SLC38A10: variants seen among roughly 807,000 people sequenced by gnomAD.
SLC38A10 encodes Sodium-coupled neutral amino acid transporter 10.
SLC38A10 carries 53 observed loss-of-function variants against 81.0 expected under a neutral mutation model. The observed-to-expected ratio is 0.65, with a 90% CI of 0.53 to 0.82. The LOEUF (loss-of-function observed/expected upper bound fraction) is 0.82. Ranked by LOEUF, SLC38A10 falls within the 40% of genes least tolerant of loss-of-function variation. The pLI is 0.00. For missense variants in SLC38A10, 1,471 were observed against 1,545.0 expected (o/e 0.95, Z 0.80); for synonymous variants, 665 against 655.3 (o/e 1.01, Z -0.23).
At chr17:81,272,095 C>T (rs893202181) in intron 9 of SLC38A10, among the ~76,000 whole-genome samples, 1 of 151,572 alleles carries the variant, frequency 6.6e-6, no homozygotes, top group African/African-American at 2.4e-5. Context: ...TGCAATGGCG[C>T]AATCTTGGCT....
chr17:81,245,457 C>T lies in SLC38A10; in HGVS notation c.*99G>A, dbSNP rs898112430. 21 of 1,423,742 alleles carry T rather than the reference C, an allele frequency of 1.5e-5. No individual in the cohort carries two copies. The highest frequency in any genetic ancestry group is 1.4e-4 in the East Asian group (6 of 42,682). 88.2% of individuals were successfully genotyped at this position (1,423,742 alleles called of 1,614,324 possible). ...TCAGACATGAAACCCTGGGGAGAGGCGAGTGTGACCTCCAGAGTTTGGCTG... is the reference window on the plus strand; with the variant it reads ...TCAGACATGAAACCCTGGGGAGAGGTGAGTGTGACCTCCAGAGTTTGGCTG... On this transcript the variant is annotated 3_prime_UTR_variant, in exon 16 of 16. Coordinates refer to ENST00000374759, the MANE Select transcript of SLC38A10 (RefSeq NM_001037984.3).
chr17:81,290,011 T>G (rs1188614001), intron 1 of SLC38A10, among the ~76,000 whole-genome samples: 1 of 152,234 alleles, frequency 6.6e-6, no homozygotes, highest in Non-Finnish European at 1.5e-5. Context: ...GATGAAGCTG[T>G]ATGCGCAGAG....
chr17:81,275,052 T>C (rs531808417), intron 8 of SLC38A10, among the ~76,000 whole-genome samples: 58 of 152,194 alleles, frequency 3.8e-4, no homozygotes, highest in African/African-American at 1.3e-3. Context: ...ACTACAGGCA[T>C]GCGCTGCCAT....
At chr17:81,268,183 C>T (rs1176275139) in intron 10 of SLC38A10, among the ~76,000 whole-genome samples, 1 of 151,888 alleles carries the variant, frequency 6.6e-6, no homozygotes, top group African/African-American at 2.4e-5. Flanking sequence ...GGGCTGTACC[C>T]TAGGAACAAG....
At position 81,245,690 on chromosome 17, in the gene SLC38A10, G is replaced by C. The variant is rs757534935; in HGVS notation, c.3226C>G (p.Pro1076Ala). 4.7e-5 allele frequency: 75 copies of C among 1,591,202 alleles called. 1 individual carries two copies. In the African/African-American group the frequency reaches 9.2e-4, roughly 20 times the overall value. Residue 1076 changes from proline to alanine, a missense_variant, in exon 16 of 16, where the codon CCC (proline) becomes GCC (alanine). Physicochemically the swap from Pro to Ala is conservative, Grantham distance 27. This residue lies in a region of SLC38A10 where 751 missense variants were observed against 717.4 expected (regional missense o/e 1.05). Transcript: ENST00000374759. ...TCGTTCACCTGGACATCAGGCAGGGGGTTAAGGCCAATGATGACCCCATCC... is the reference window on the plus strand; with the variant it reads ...TCGTTCACCTGGACATCAGGCAGGGCGTTAAGGCCAATGATGACCCCATCC... The part of the protein sequence containing the change: ...PRDGVIIGLN[P>A]LPDVQVNDLR...
At position 81,291,390 on chromosome 17, in the gene SLC38A10, G is replaced by T. The variant is rs572966702; in HGVS notation, c.100-1582C>A. On this transcript the variant is annotated intron_variant, in intron 1 of 15. Coordinates refer to ENST00000374759, the MANE Select transcript of SLC38A10 (RefSeq NM_001037984.3). ...TAATCCCAGTTACTTAGGAGGCTGAGGCAGGAGACTTGCTTGAATCTGGGA... is the reference window on the plus strand; with the variant it reads ...TAATCCCAGTTACTTAGGAGGCTGATGCAGGAGACTTGCTTGAATCTGGGA... Among the ~76,000 whole-genome samples, 11 of 151,920 alleles carry T rather than the reference G, an allele frequency of 7.2e-5. No homozygotes were observed. The South Asian group carries it at 2.3e-3, about 32-fold the overall frequency.
intron 11 of SLC38A10, among the ~76,000 whole-genome samples, chr17:81,254,167 G>A (rs1300720298): frequency 6.6e-6 from 1 of 151,878 alleles, no homozygotes; most frequent in East Asian, 1.9e-4. Flanking sequence ...GGGGACTCAG[G>A]TGAAGCTGTC....
chr17:81,261,284 A>G (rs1359249250), intron 10 of SLC38A10, among the ~76,000 whole-genome samples: 1 of 150,768 alleles, frequency 6.6e-6, no homozygotes, highest in East Asian at 1.9e-4. Context: ...CACTGGGCCC[A>G]CTCCTCCCCA....
intron 9 of SLC38A10, among the ~76,000 whole-genome samples, chr17:81,271,874 C>A (rs748471177): frequency 7.3e-5 from 11 of 149,960 alleles, no homozygotes; most frequent in Non-Finnish European, 7.4e-5. Context: ...CTACAGGCAC[C>A]CGCCACCACG....
chr17:81,291,791 C>T (rs1002227679), intron 1 of SLC38A10, among the ~76,000 whole-genome samples: 5 of 152,198 alleles, frequency 3.3e-5, no homozygotes, highest in Non-Finnish European at 7.3e-5. Flanking sequence ...GGGTAAACTA[C>T]ACACAGACAC....
rs1051231622 is a variant in SLC38A10 at position 81,245,461 on chromosome 17, T to C, written c.*95A>G. 1.3e-5 allele frequency: 19 copies of C among 1,444,610 alleles called. No individual in the cohort carries two copies. In the African/African-American group the frequency reaches 2.4e-4, roughly 18 times the overall value. The allele number at this position is 1,444,610 out of a possible 1,614,324, so 89.5% of individuals were successfully genotyped here. On this transcript the variant is annotated 3_prime_UTR_variant, in exon 16 of 16. Coordinates refer to ENST00000374759, the MANE Select transcript of SLC38A10 (RefSeq NM_001037984.3). ...ACATGAAACCCTGGGGAGAGGCGAG[T>C]GTGACCTCCAGAGTTTGGCTGGGAT...
chr17:81,251,212 G>T, intron 14 of SLC38A10: 1 of 1,549,394 alleles, frequency 6.5e-7, no homozygotes, highest in Non-Finnish European at 8.7e-7. Flanking sequence ...TGCCGCAGGT[G>T]TTTTAAAGGG....
chr17:81,272,087 C>G (rs2063121128), intron 9 of SLC38A10, among the ~76,000 whole-genome samples: 1 of 150,740 alleles, frequency 6.6e-6, no homozygotes, highest in Non-Finnish European at 1.5e-5. Flanking sequence ...GCCTGGAGTG[C>G]AATGGCGCAA....
intron 1 of SLC38A10, among the ~76,000 whole-genome samples, chr17:81,292,071 T>C (rs1361443783): frequency 1.3e-5 from 2 of 152,062 alleles, no homozygotes; most frequent in Non-Finnish European, 2.9e-5. Context: ...TCAATGTTTA[T>C]TATATATATA....
intron 13 of SLC38A10, 21 bp from the exon 14 acceptor site, chr17:81,251,633 C>T (rs2062915710): frequency 1.4e-6 from 2 of 1,458,696 alleles, no homozygotes; most frequent in African/African-American, 2.8e-5. Flanking sequence ...GGTGAAGACT[C>T]AGAAGGTTTT....
chr17:81,258,947 C>T (rs1315519230), intron 11 of SLC38A10, among the ~76,000 whole-genome samples: 1 of 152,230 alleles, frequency 6.6e-6, no homozygotes, highest in African/African-American at 2.4e-5. Flanking sequence ...CCCCTGCCCA[C>T]CTTCGCCATC....
intron 10 of SLC38A10, among the ~76,000 whole-genome samples, chr17:81,262,660 T>A (rs974705926): frequency 1.3e-5 from 2 of 152,166 alleles, no homozygotes; most frequent in African/African-American, 4.8e-5. Flanking sequence ...AAAGCACCTT[T>A]GCCACCGGCT....
intron 10 of SLC38A10, among the ~76,000 whole-genome samples, chr17:81,269,520 G>A (rs904708293): frequency 1.3e-5 from 2 of 152,106 alleles, no homozygotes; most frequent in African/African-American, 4.8e-5. Context: ...AATGTACACT[G>A]TAAGAATCTA....
chr17:81,249,119 C>T, intron 14 of SLC38A10, among the ~76,000 whole-genome samples: 1 of 151,026 alleles, frequency 6.6e-6, no homozygotes, highest in Non-Finnish European at 1.5e-5. Context: ...AGAGCAGGCA[C>T]CATGGCCTCA....
Sources: gnomAD v4.1 joint callset for allele counts (sites outside exome capture counted in the v4.1 genomes callset) on GRCh38, gnomAD v4.1.1 for gene constraint, gnomAD v4.1.1 regional missense constraint, MANE v1.5 for transcripts, NCBI Gene and HGNC (gene_info 2026-07-23, HGNC 2026-07-21) for gene names.